Variants in ZHX3 observed in about 807,000 individuals in gnomAD.
The protein encoded by ZHX3 is zinc fingers and homeoboxes protein 3.
Under a neutral mutation model 64.5 loss-of-function variants are expected in ZHX3, and 20 were observed. The observed-to-expected ratio is 0.31, with a 90% confidence interval of 0.22 to 0.45. The LOEUF is 0.45. Among genes scored for constraint, ZHX3 ranks in the 20% least tolerant of loss-of-function variants. The probability of loss-of-function intolerance (pLI) is 1.00; values close to 1 mark genes in which losing one functional copy is unlikely to be tolerated. For missense variants in ZHX3, 1,041 were observed against 1,195.8 expected (o/e 0.87, Z 1.91); for synonymous variants, 423 against 461.6 (o/e 0.92, Z 1.07).
At chr20:41,283,137 G>A (rs182016251) in intron 1 of ZHX3, among the ~76,000 whole-genome samples, 39 of 152,264 alleles carry the variant, frequency 2.6e-4, no homozygotes, top group African/African-American at 9.1e-4. Flanking sequence ...TTGAACTCCT[G>A]AGCTCAGGTG....
chr20:41,254,444 T>A (rs915352562), intron 2 of ZHX3: 1 of 152,184 alleles, frequency 6.6e-6, no homozygotes, highest in African/African-American at 2.4e-5. Flanking sequence ...AGTTGGTGTT[T>A]GAGAAGTGCT....
At chr20:41,291,418 T>C (rs1414614277) in intron 1 of ZHX3, among the ~76,000 whole-genome samples, 8 of 152,072 alleles carry the variant, frequency 5.3e-5, no homozygotes, top group Non-Finnish European at 7.4e-5. Context: ...TAGTACAGGA[T>C]TGGAAAGGGT....
At chr20:41,310,746 C>T (rs1447075866) in intron 1 of ZHX3, among the ~76,000 whole-genome samples, 1 of 148,466 alleles carries the variant, frequency 6.7e-6, no homozygotes, top group African/African-American at 2.5e-5. Flanking sequence ...TCCAAACATA[C>T]GTTGTCATAC....
At position 41,196,024 on chromosome 20, in the gene ZHX3, G is replaced by GATAAATCC. The variant is rs577909635; in HGVS notation, c.2860+6032_2860+6033insGGATTTAT. ...GGCTTAACATACGGTTTATCCTGGA[G>GATAAATCC]AGTATTCCATGTGAATTTGAGAAGA... is the stretch of plus-strand genomic sequence containing the variant. On this transcript the variant is annotated intron_variant, in intron 3 of 3. Transcript: ENST00000683867. 4.2e-4 allele frequency among the ~76,000 whole-genome samples: 64 copies of GATAAATCC among 151,802 alleles called. 1 individual carries two copies. Among genetic ancestry groups the GATAAATCC allele is most frequent in the African/African-American group, 1.5e-3 (62 of 41,384 alleles).
chr20:41,241,100 C>T (rs2041352411), intron 2 of ZHX3, among the ~76,000 whole-genome samples: 1 of 152,158 alleles, frequency 6.6e-6, no homozygotes, highest in Non-Finnish European at 1.5e-5. Context: ...AACTGTTCTC[C>T]ACAGTGGGAA....
chr20:41,275,750 G>T (rs1490010532), intron 1 of ZHX3, among the ~76,000 whole-genome samples: 1 of 152,124 alleles, frequency 6.6e-6, no homozygotes, highest in Non-Finnish European at 1.5e-5. Context: ...GCCTGATGAG[G>T]GTCCTATCTT....
chr20:41,203,029 T>C lies in ZHX3; in HGVS notation c.1888A>G (p.Ser630Gly). The C allele has an allele frequency of 6.2e-7, 1 of 1,614,232 alleles. No homozygotes were observed. Among genetic ancestry groups the C allele is most frequent in the Non-Finnish European group, 8.5e-7 (1 of 1,180,044 alleles). Residue 630 changes from serine (S) to glycine (G), a missense_variant, in exon 3 of 4, where the codon AGT (serine) becomes GGT (glycine). By Grantham distance (56) the Ser-to-Gly change is moderately conservative (BLOSUM62 0). Transcript: ENST00000683867. This position sits in a 1 kb window ranked among gnomAD's most constrained non-coding sequence, Gnocchi z 7.1. ...APEQLRALES[S>G]FAQNPLPLDE... ...AGAGGAAGAGGGTTTTGTGCAAAAC[T>C]GCTCTCCAGGGCTCTGAGCTGCTCA... is the stretch of plus-strand genomic sequence containing the variant.
chr20:41,316,392 A>T (rs900881550), intron 1 of ZHX3, among the ~76,000 whole-genome samples: 3 of 152,172 alleles, frequency 2.0e-5, no homozygotes, highest in African/African-American at 7.2e-5. Flanking sequence ...CGTGGTTCAG[A>T]ATTATCCGGC....
rs2036463208 is a variant in ZHX3 at position 41,185,701 on chromosome 20, G to A, written c.2861-500C>T. ...CAAAGTCAAAGTAAGGCTGATATCA[G>A]AGAGGTTCATCATCTGTGATTCATA... On this transcript the variant is annotated intron_variant, in intron 3 of 3. Transcript: ENST00000683867. This position sits in a 1 kb window ranked among gnomAD's most constrained non-coding sequence, Gnocchi z 5.0. 6.2e-6 allele frequency: 1 copy of A among 161,488 alleles called. No homozygotes were observed. The highest frequency in any genetic ancestry group is 2.4e-5 in the African/African-American group (1 of 41,752). 10.0% of individuals were successfully genotyped at this position (161,488 alleles called of 1,614,324 possible).
At position 41,201,631 on chromosome 20, in the gene ZHX3, T is replaced by C. The variant is rs1465507338; in HGVS notation, c.2860+426A>G. Among the ~76,000 whole-genome samples, 2 of 152,200 alleles carry C rather than the reference T, an allele frequency of 1.3e-5. 1 individual carries two copies. Among genetic ancestry groups the C allele is most frequent in the South Asian group, 4.1e-4 (2 of 4,830 alleles). On this transcript the variant is annotated intron_variant, in intron 3 of 3. Transcript: ENST00000683867. The surrounding 1 kb of genome is among the most constrained non-coding windows in gnomAD (Gnocchi z 5.0). ...TTCATCATCAGAAAAAAGCACATTA[T>C]GTATCTAAGGACAATTAAAGGCTCT... is the stretch of plus-strand genomic sequence containing the variant.
intron 2 of ZHX3, among the ~76,000 whole-genome samples, chr20:41,257,357 A>G (rs937869689): frequency 6.6e-6 from 1 of 152,138 alleles, no homozygotes; most frequent in African/African-American, 2.4e-5. Flanking sequence ...AAAATCTCTC[A>G]TCGTAGCTTT....
chr20:41,264,819 G>A (rs1439105434), intron 2 of ZHX3, among the ~76,000 whole-genome samples: 9 of 151,958 alleles, frequency 5.9e-5, no homozygotes, highest in Non-Finnish European at 1.3e-4. Flanking sequence ...CCTAGAAACA[G>A]ATTTTTAAAA....
intron 3 of ZHX3, among the ~76,000 whole-genome samples, chr20:41,198,123 G>A (rs2037910972): frequency 1.3e-5 from 2 of 150,282 alleles, no homozygotes; most frequent in South Asian, 4.2e-4. Flanking sequence ...TCCTGCCTCA[G>A]CCTCCCAAGT....
Position 41,278,795 on chromosome 20 carries a change from C to T in ZHX3, c.-244-9712G>A, listed in dbSNP as rs186694011. ...GTTTTTTTTTGTTTTTGTTTTGAGA[C>T]GGAGTCTCCCTCTGTCACCCAGGCT... On this transcript the variant is annotated intron_variant, in intron 1 of 3. Coordinates refer to ENST00000683867, the MANE Select transcript of ZHX3 (RefSeq NM_001384317.1). Among the ~76,000 whole-genome samples the T allele has an allele frequency of 5.5e-4, 77 of 140,448 alleles. 14 individuals carry two copies. The highest frequency in any genetic ancestry group is 1.8e-3 in the African/African-American group (69 of 37,396). The allele number at this position is 140,448 out of a possible 152,430, so 92.1% of individuals were successfully genotyped here. A position where few individuals can be genotyped will look rare whatever the true frequency, so the allele number is the denominator to read the frequency against.
chr20:41,194,289 A>G (rs566746459), intron 3 of ZHX3, among the ~76,000 whole-genome samples: 1 of 152,244 alleles, frequency 6.6e-6, no homozygotes, highest in South Asian at 2.1e-4. Flanking sequence ...TATTGTCATG[A>G]AAGCAAGTTG....
At chr20:41,265,710 T>C (rs2042810749) in intron 2 of ZHX3, among the ~76,000 whole-genome samples, 1 of 152,202 alleles carries the variant, frequency 6.6e-6, no homozygotes, top group Non-Finnish European at 1.5e-5. Flanking sequence ...GATTTTAATG[T>C]GTAGCCAAGT....
intron 1 of ZHX3, among the ~76,000 whole-genome samples, chr20:41,295,686 T>C (rs2044474867): frequency 6.6e-6 from 1 of 151,864 alleles, no homozygotes; most frequent in South Asian, 2.1e-4. Flanking sequence ...CCATCTCTAC[T>C]AAAAATACAA....
intron 1 of ZHX3, among the ~76,000 whole-genome samples, chr20:41,270,374 CA>C (rs71193635): frequency 0.23 from 19,443 of 83,452 alleles, 1,450 homozygotes; most frequent in South Asian, 0.35. Flanking sequence ...AAACTCCGTC[CA>C]AAAAAAAAAA....
intron 1 of ZHX3, among the ~76,000 whole-genome samples, chr20:41,295,945 C>A (rs2044494236): frequency 6.6e-6 from 1 of 151,896 alleles, no homozygotes; most frequent in South Asian, 2.1e-4. Flanking sequence ...TAAAAGGTGA[C>A]ACACACAGTT....
Sources: gnomAD v4.1 joint callset for allele counts (sites outside exome capture counted in the v4.1 genomes callset) on GRCh38, gnomAD v4.1.1 for gene constraint, Gnocchi (gnomAD v3.1) non-coding constraint, MANE v1.5 for transcripts, NCBI Gene and HGNC (gene_info 2026-07-23, HGNC 2026-07-21) for gene names.